Variants in SMAP1 observed in about 807,000 individuals in gnomAD.
The protein encoded by SMAP1 is stromal membrane-associated protein 1.
In SMAP1, 24 loss-of-function variants were observed where a neutral mutation model predicts 58.5. That is an observed-to-expected ratio of 0.41 (90% CI 0.30 to 0.58). The LOEUF is 0.58. Among genes scored for constraint, SMAP1 ranks in the 20% least tolerant of loss-of-function variants. SMAP1 has a pLI of 0.29. For missense variants in SMAP1, 563 were observed against 566.3 expected (o/e 0.99, Z 0.06); for synonymous variants, 216 against 196.6 (o/e 1.10, Z -0.82).
At chr6:70,839,728 G>T (rs1432517454) in intron 7 of SMAP1, among the ~76,000 whole-genome samples, 1 of 152,160 alleles carries the variant, frequency 6.6e-6, no homozygotes, top group Non-Finnish European at 1.5e-5. Context: ...AGTTGTAGCA[G>T]CAGGGAAGAG....
chr6:70,794,794 T>C (rs113134247), intron 5 of SMAP1, among the ~76,000 whole-genome samples: 27 of 149,026 alleles, frequency 1.8e-4, no homozygotes, highest in African/African-American at 6.0e-4. Context: ...TTTTCTTTTT[T>C]TTTTTTTTTT....
chr6:70,811,124 A>G (rs962315436), intron 6 of SMAP1, among the ~76,000 whole-genome samples: 5 of 152,200 alleles, frequency 3.3e-5, no homozygotes, highest in East Asian at 1.9e-4. Context: ...AGAAGAACCT[A>G]TACTTGATTA....
intron 4 of SMAP1, among the ~76,000 whole-genome samples, chr6:70,776,693 C>G (rs1421270487): frequency 6.6e-6 from 1 of 151,848 alleles, no homozygotes; most frequent in East Asian, 1.9e-4. Context: ...CCTCTACTTC[C>G]ATGAGTTCAG....
chr6:70,729,487 G>A (rs1444263139), intron 1 of SMAP1, among the ~76,000 whole-genome samples: 1 of 150,864 alleles, frequency 6.6e-6, no homozygotes, highest in Non-Finnish European at 1.5e-5. Flanking sequence ...GTGTGTGTGT[G>A]TGTGTGTATG....
At chr6:70,668,169 G>C in intron 1 of SMAP1, 28 bp downstream of exon 1, 1 of 1,575,654 alleles carries the variant, frequency 6.3e-7, no homozygotes, top group Admixed American at 1.7e-5. Flanking sequence ...GCTGCCCACG[G>C]TCGGGGCCTC....
chr6:70,857,176 G>T, intron 9 of SMAP1, 146 bp downstream of exon 9: 1 of 714,228 alleles, frequency 1.4e-6, no homozygotes, highest in East Asian at 3.0e-5. Context: ...AAGCCGAAAT[G>T]AATGAGCATT....
chr6:70,789,035 C>T (rs1768218488), intron 4 of SMAP1, among the ~76,000 whole-genome samples: 1 of 152,074 alleles, frequency 6.6e-6, no homozygotes, highest in African/African-American at 2.4e-5. Context: ...TTGTTTTCTC[C>T]TTTTCACTGC....
At chr6:70,729,051 C>T (rs1385944402) in intron 1 of SMAP1, among the ~76,000 whole-genome samples, 1 of 152,032 alleles carries the variant, frequency 6.6e-6, no homozygotes, top group Non-Finnish European at 1.5e-5. Context: ...GAAACGACCT[C>T]ATTCTCTACT....
intron 1 of SMAP1, chr6:70,668,530 A>C (rs1044800420): frequency 6.6e-7 from 1 of 1,520,684 alleles, no homozygotes; most frequent in Non-Finnish European, 8.8e-7. Flanking sequence ...GCTCATAGCT[A>C]TCTCTGTGGG....
rs1315510063 is a variant in SMAP1 at position 70,667,974 on chromosome 6, A to G, written c.-50A>G. On this transcript the variant is annotated 5_prime_UTR_variant, in exon 1 of 11. Coordinates refer to ENST00000370455, the MANE Select transcript of SMAP1 (RefSeq NM_001044305.3). The stretch of plus-strand genomic sequence containing the variant: ...GCGTTCACTCTGCCCGGCTCCAGCC[A>G]GCGTCCGCCGCCGCCGTAGCTGCCC... 4 of 1,495,718 alleles carry G rather than the reference A, an allele frequency of 2.7e-6. No individual in the cohort carries two copies. The highest frequency in any genetic ancestry group is 5.2e-5 in the East Asian group (2 of 38,100). The allele number at this position is 1,495,718 out of a possible 1,614,324, so 92.7% of individuals were successfully genotyped here.
At chr6:70,718,315 AT>A (rs1216077188) in intron 1 of SMAP1, among the ~76,000 whole-genome samples, 4 of 152,214 alleles carry the variant, frequency 2.6e-5, no homozygotes, top group Non-Finnish European at 1.5e-5. Flanking sequence ...AGATAAAATA[AT>A]CAAGATGTTT....
chr6:70,764,738 T>C (rs915246702), intron 3 of SMAP1, among the ~76,000 whole-genome samples: 4 of 152,248 alleles, frequency 2.6e-5, no homozygotes, highest in Non-Finnish European at 5.9e-5. Context: ...ACATGTTGTT[T>C]CATGCCTGTC....
chr6:70,813,316 A>T (rs1004692717), intron 6 of SMAP1, among the ~76,000 whole-genome samples: 1 of 152,186 alleles, frequency 6.6e-6, no homozygotes, highest in African/African-American at 2.4e-5. Flanking sequence ...GGGAATAAGG[A>T]TATTTTATCT....
chr6:70,763,667 TGAAG>T (rs1766848241), intron 3 of SMAP1, among the ~76,000 whole-genome samples: 1 of 152,156 alleles, frequency 6.6e-6, no homozygotes, highest in African/African-American at 2.4e-5. Flanking sequence ...GAAAAATTCT[TGAAG>T]GAAATTAAAA....
intron 6 of SMAP1, among the ~76,000 whole-genome samples, chr6:70,822,997 T>TAAAGAGAGA (rs1402243843): frequency 6.3e-4 from 96 of 152,194 alleles, no homozygotes; most frequent in Non-Finnish European, 1.2e-3. Flanking sequence ...TCTTAGAATT[T>TAAAGAGAGA]TCATCTCTCT....
chr6:70,722,869 C>T (rs1768592340), intron 1 of SMAP1, among the ~76,000 whole-genome samples: 1 of 152,200 alleles, frequency 6.6e-6, no homozygotes, highest in Admixed American at 6.5e-5. Flanking sequence ...AAACCCACAA[C>T]CTTCAGCGTG....
At chr6:70,794,143 G>A (rs1768494571) in intron 5 of SMAP1, among the ~76,000 whole-genome samples, 1 of 152,182 alleles carries the variant, frequency 6.6e-6, no homozygotes, top group South Asian at 2.1e-4. Flanking sequence ...TGCACAGGAG[G>A]TCAGCTGTTT....
intron 6 of SMAP1, among the ~76,000 whole-genome samples, chr6:70,808,210 C>A (rs1362143628): frequency 6.6e-6 from 1 of 152,124 alleles, no homozygotes; most frequent in Non-Finnish European, 1.5e-5. Flanking sequence ...AGTTCAAACC[C>A]ATGTCGTTCA....
chr6:70,739,311 A>G (rs1765727263), intron 2 of SMAP1, among the ~76,000 whole-genome samples: 1 of 152,144 alleles, frequency 6.6e-6, no homozygotes, highest in Admixed American at 6.5e-5. Flanking sequence ...CAGAAGAGAA[A>G]CATAAATAAA....
Sources: allele counts gnomAD v4.1 joint callset (sites outside exome capture counted in the v4.1 genomes callset), GRCh38; gene constraint gnomAD v4.1.1; transcripts MANE v1.5; gene names NCBI Gene and HGNC (gene_info 2026-07-23, HGNC 2026-07-21).